Variants in LRRC4C observed in about 807,000 individuals in gnomAD.
LRRC4C encodes the protein leucine-rich repeat-containing protein 4C.
A neutral mutation model predicts 33.6 loss-of-function variants in LRRC4C; 5 were observed. The ratio of observed to expected loss-of-function variants is 0.15; its 90% CI spans 0.08 to 0.31. LRRC4C has a LOEUF of 0.31. LRRC4C is among the 10% of genes least tolerant of loss of function. LRRC4C has a pLI of 1.00. For synonymous variants in LRRC4C, 329 were observed against 302.0 expected, an observed-to-expected ratio of 1.09 and a Z score of -0.93; for missense variants, 560 against 796.7, an observed-to-expected ratio of 0.70 and a Z score of 3.58.
intron 2 of LRRC4C, among the ~76,000 whole-genome samples, chr11:40,747,263 T>C (rs1371699388): frequency 2.0e-5 from 3 of 152,160 alleles, no homozygotes; most frequent in Non-Finnish European, 4.4e-5. Flanking sequence ...CACTCATAAG[T>C]GCATGCTAAG....
Position 40,906,281 on chromosome 11 carries a change from C to T in LRRC4C, c.-407+27354G>A, listed in dbSNP as rs191662368. Among the ~76,000 whole-genome samples, 280 of 152,296 alleles carry T rather than the reference C, an allele frequency of 1.8e-3. 3 individuals carry two copies. The highest frequency in any genetic ancestry group is 3.5e-3 in the Non-Finnish European group (235 of 68,030). ...CTCCCTGCGCTTTGGGAGGCCAAGGCGGGTGAATCACCTGAGGTCAGGAGT... is the reference window on the plus strand; with the variant it reads ...CTCCCTGCGCTTTGGGAGGCCAAGGTGGGTGAATCACCTGAGGTCAGGAGT... On this transcript the variant is annotated intron_variant, in intron 2 of 6. Transcript: ENST00000528697.
intron 1 of LRRC4C, among the ~76,000 whole-genome samples, chr11:40,941,228 A>T (rs1958128652): frequency 6.6e-6 from 1 of 152,160 alleles, no homozygotes; most frequent in Admixed American, 6.6e-5. Context: ...TTTTATTACT[A>T]TGCAGATTAA....
intron 4 of LRRC4C, among the ~76,000 whole-genome samples, chr11:40,312,743 G>C (rs891050333): frequency 1.3e-5 from 2 of 152,148 alleles, no homozygotes; most frequent in African/African-American, 4.8e-5. Flanking sequence ...AATACAGTAT[G>C]GTCATGGTTC....
At chr11:40,444,631 T>G (rs1014763431) in intron 3 of LRRC4C, among the ~76,000 whole-genome samples, 1 of 152,186 alleles carries the variant, frequency 6.6e-6, no homozygotes, top group Non-Finnish European at 1.5e-5. Context: ...AAGATTTACT[T>G]TATTCTCAGT....
intron 1 of LRRC4C, among the ~76,000 whole-genome samples, chr11:41,458,823 A>C (rs186685385): frequency 6.6e-6 from 1 of 152,236 alleles, no homozygotes; most frequent in African/African-American, 2.4e-5. Flanking sequence ...TCAGTGCAAA[A>C]AGAGAGAGGT....
chr11:40,635,589 T>A (rs973036415), intron 3 of LRRC4C, among the ~76,000 whole-genome samples: 1 of 149,556 alleles, frequency 6.7e-6, no homozygotes, highest in African/African-American at 2.4e-5. Context: ...AAAAGCTATA[T>A]AAAGATGCTA....
chr11:41,391,337 G>T (rs1212554581), intron 1 of LRRC4C, among the ~76,000 whole-genome samples: 1 of 151,898 alleles, frequency 6.6e-6, no homozygotes, highest in Non-Finnish European at 1.5e-5. Flanking sequence ...GAGCAGGGGG[G>T]AGAAGAACTG....
chr11:40,172,517 A>C (rs1860129363), intron 5 of LRRC4C, among the ~76,000 whole-genome samples: 1 of 151,642 alleles, frequency 6.6e-6, no homozygotes, highest in African/African-American at 2.4e-5. Context: ...TTTTTTTTTA[A>C]GATTATAATT....
At chr11:40,730,187 G>C (rs1224301057) in intron 2 of LRRC4C, among the ~76,000 whole-genome samples, 4 of 152,022 alleles carry the variant, frequency 2.6e-5, no homozygotes, top group South Asian at 2.1e-4. Flanking sequence ...CACCAGCATG[G>C]CACATGTATA....
At chr11:41,135,360 A>G (rs376465625) in intron 1 of LRRC4C, among the ~76,000 whole-genome samples, 1 of 152,154 alleles carries the variant, frequency 6.6e-6, no homozygotes, top group African/African-American at 2.4e-5. Context: ...GGAAGGAGAG[A>G]GAGAGAGGGT....
At chr11:41,163,967 T>C (rs1414986943) in intron 1 of LRRC4C, among the ~76,000 whole-genome samples, 1 of 152,126 alleles carries the variant, frequency 6.6e-6, no homozygotes, top group Non-Finnish European at 1.5e-5. Flanking sequence ...ATATAATAGT[T>C]GTACATATTT....
At chr11:41,101,327 AG>A (rs964984033) in intron 1 of LRRC4C, among the ~76,000 whole-genome samples, 1 of 152,144 alleles carries the variant, frequency 6.6e-6, no homozygotes, top group African/African-American at 2.4e-5. Context: ...ACCATTTAAA[AG>A]TGGACAAAGA....
intron 1 of LRRC4C, among the ~76,000 whole-genome samples, chr11:41,267,069 A>G (rs1428900563): frequency 6.6e-6 from 1 of 152,116 alleles, no homozygotes; most frequent in Non-Finnish European, 1.5e-5. Flanking sequence ...CTTGGCTTTC[A>G]TTCTGTATTT....
At chr11:40,511,105 A>T (rs1023803657) in intron 3 of LRRC4C, among the ~76,000 whole-genome samples, 2 of 152,174 alleles carry the variant, frequency 1.3e-5, no homozygotes, top group African/African-American at 4.8e-5. Context: ...TAAAGGTTAT[A>T]AGAAATTTAA....
intron 4 of LRRC4C, among the ~76,000 whole-genome samples, chr11:40,303,021 T>C (rs1944852888): frequency 6.6e-6 from 1 of 152,152 alleles, no homozygotes; most frequent in South Asian, 2.1e-4. Context: ...TCAAGAATTA[T>C]TATTTTTTTC....
chr11:40,523,165 G>A (rs931139200), intron 3 of LRRC4C, among the ~76,000 whole-genome samples: 1 of 152,116 alleles, frequency 6.6e-6, no homozygotes, highest in South Asian at 2.1e-4. Context: ...TACTACCAAG[G>A]TAGAAGGTTT....
intron 1 of LRRC4C, among the ~76,000 whole-genome samples, chr11:40,972,795 G>T (rs1851816717): frequency 6.6e-6 from 1 of 152,154 alleles, no homozygotes; most frequent in South Asian, 2.1e-4. Context: ...TTCCTAACAT[G>T]TGGGGATTAC....
intron 4 of LRRC4C, among the ~76,000 whole-genome samples, chr11:40,299,966 A>C (rs536368801): frequency 6.6e-6 from 1 of 152,322 alleles, no homozygotes; most frequent in East Asian, 1.9e-4. Flanking sequence ...GACACTGGGT[A>C]ATTGATAAGA....
At chr11:41,120,642 A>G (rs1445122625) in intron 1 of LRRC4C, among the ~76,000 whole-genome samples, 1 of 152,180 alleles carries the variant, frequency 6.6e-6, no homozygotes, top group South Asian at 2.1e-4. Flanking sequence ...TACAGCTCTC[A>G]ATGAGTTCTT....
Sources: gnomAD v4.1 joint callset for allele counts (sites outside exome capture counted in the v4.1 genomes callset) on GRCh38, gnomAD v4.1.1 for gene constraint, MANE v1.5 for transcripts, NCBI Gene and HGNC (gene_info 2026-07-23, HGNC 2026-07-21) for gene names.